FOXP2: variants seen among roughly 807,000 people sequenced by gnomAD.
The protein encoded by FOXP2 is forkhead box P2.
A neutral mutation model predicts 115.8 loss-of-function variants in FOXP2; 12 were observed. The ratio of observed to expected loss-of-function variants is 0.10; its 90% CI spans 0.07 to 0.17. FOXP2 has a LOEUF of 0.17. Ranked by LOEUF, FOXP2 falls within the 10% of genes least tolerant of loss-of-function variation. The pLI, the probability that FOXP2 is intolerant of heterozygous loss-of-function variation, is 1.00. For missense variants in FOXP2, 629 were observed against 843.5 expected, an observed-to-expected ratio of 0.75 and a Z score of 3.15; for synonymous variants, 328 against 297.7, an observed-to-expected ratio of 1.10 and a Z score of -1.05.
chr7:114,537,514 C>G (rs538802495), intron 3 of FOXP2, among the ~76,000 whole-genome samples: 2 of 151,662 alleles, frequency 1.3e-5, no homozygotes, highest in East Asian at 1.9e-4. Context: ...TAACATTCAC[C>G]TGAATTTCTT....
intron 1 of FOXP2, among the ~76,000 whole-genome samples, chr7:114,166,250 T>C: frequency 6.6e-6 from 1 of 152,110 alleles, no homozygotes; most frequent in East Asian, 1.9e-4. Flanking sequence ...AAAAAATTAA[T>C]AAGTTGGATT....
At chr7:114,630,065 G>C in intron 5 of FOXP2, 60 bp downstream of exon 5, 1 of 1,600,910 alleles carries the variant, frequency 6.2e-7, no homozygotes, top group Non-Finnish European at 8.5e-7. Context: ...GGCTTTGAGC[G>C]GCAAGAATAG....
At chr7:114,571,519 A>G (rs921680314) in intron 3 of FOXP2, among the ~76,000 whole-genome samples, 5 of 151,822 alleles carry the variant, frequency 3.3e-5, no homozygotes, top group Admixed American at 2.6e-4. Context: ...TAAGTCATGT[A>G]TTTTCACATA....
At chr7:114,221,420 AT>A (rs1358207010) in intron 1 of FOXP2, among the ~76,000 whole-genome samples, 1 of 152,138 alleles carries the variant, frequency 6.6e-6, no homozygotes, top group Non-Finnish European at 1.5e-5. Flanking sequence ...TAACTCCAAT[AT>A]TTTTTTAAGA....
intron 2 of FOXP2, among the ~76,000 whole-genome samples, chr7:114,295,276 T>C (rs1241312281): frequency 6.6e-6 from 1 of 152,184 alleles, no homozygotes; most frequent in Non-Finnish European, 1.5e-5. Context: ...GCATCACTTA[T>C]TACAAAGTTT....
In FOXP2 at chr7:114,089,826, C is replaced by G. The variant is rs114199605; in HGVS notation, c.-247+1988C>G. On this transcript the variant is annotated intron_variant, in intron 1 of 19. Transcript: ENST00000635638. Reference sequence around the variant, plus strand: ...CAAACAAAATTTCAAACACACAAAACAAGTCTCTTTGCATAGATATTAGAA... The same window carrying G: ...CAAACAAAATTTCAAACACACAAAAGAAGTCTCTTTGCATAGATATTAGAA... Among the ~76,000 whole-genome samples the G allele has an allele frequency of 4.3e-3, 654 of 151,958 alleles. 5 individuals carry two copies. The highest frequency in any genetic ancestry group is 0.015 in the African/African-American group (621 of 41,512).
At chr7:114,344,225 G>C (rs74542442) in intron 2 of FOXP2, among the ~76,000 whole-genome samples, 4 of 151,656 alleles carry the variant, frequency 2.6e-5, no homozygotes, top group Admixed American at 6.6e-5. Flanking sequence ...TTTTGGCTTC[G>C]GTTCTATGAT....
At chr7:114,274,336 T>G (rs1394121239) in intron 1 of FOXP2, among the ~76,000 whole-genome samples, 1 of 152,118 alleles carries the variant, frequency 6.6e-6, no homozygotes, top group African/African-American at 2.4e-5. Context: ...TGTTATATGT[T>G]AGATCAATTA....
intron 1 of FOXP2, among the ~76,000 whole-genome samples, chr7:114,237,220 AACTG>A (rs796338690): frequency 4.9e-4 from 74 of 152,328 alleles, no homozygotes; most frequent in African/African-American, 1.5e-3. Flanking sequence ...TGTTTCCAGA[AACTG>A]ACTATTATCT....
chr7:114,673,403 G>A (rs1418060149), intron 16 of FOXP2, among the ~76,000 whole-genome samples: 1 of 152,120 alleles, frequency 6.6e-6, no homozygotes. Flanking sequence ...AGCTGTTTTG[G>A]TCACAACTAT....
intron 1 of FOXP2, among the ~76,000 whole-genome samples, chr7:114,127,603 G>A (rs1299586219): frequency 6.6e-6 from 1 of 152,126 alleles, no homozygotes; most frequent in Non-Finnish European, 1.5e-5. Flanking sequence ...GACGAAGAAG[G>A]TATTAGATTG....
intron 1 of FOXP2, among the ~76,000 whole-genome samples, chr7:114,276,771 C>G (rs890124566): frequency 2.6e-5 from 4 of 152,148 alleles, no homozygotes; most frequent in Admixed American, 6.5e-5. Context: ...ACCTCTCTTA[C>G]AGATCTTGGA....
chr7:114,262,574 A>G (rs1185857883), intron 1 of FOXP2, among the ~76,000 whole-genome samples: 1 of 152,212 alleles, frequency 6.6e-6, no homozygotes, highest in Non-Finnish European at 1.5e-5. Context: ...TACATAGTTC[A>G]GTATGGTAGC....
chr7:114,384,048 G>A (rs1160518332), intron 2 of FOXP2, among the ~76,000 whole-genome samples: 1 of 151,642 alleles, frequency 6.6e-6, no homozygotes, highest in East Asian at 1.9e-4. Flanking sequence ...CATTTCCTTT[G>A]TGCTCAGAGG....
intron 2 of FOXP2, among the ~76,000 whole-genome samples, chr7:114,454,409 A>G (rs1795200095): frequency 6.6e-6 from 1 of 152,092 alleles, no homozygotes; most frequent in African/African-American, 2.4e-5. Flanking sequence ...GAACACTTTT[A>G]CACTGTTGAT....
chr7:114,176,787 C>T (rs1793327071), intron 1 of FOXP2, among the ~76,000 whole-genome samples: 7 of 151,856 alleles, frequency 4.6e-5, no homozygotes, highest in Admixed American at 4.6e-4. Flanking sequence ...TAACCGGTGC[C>T]TAGCTCCAGT....
rs756224087 is a variant in FOXP2, at chr7:114,690,922, C to T, written c.*996C>T. ...GCCCTAAACAAAGAAACAAATATGA[C>T]AAAAACCACAACTAAAAAATGTTAA... On this transcript the variant is annotated 3_prime_UTR_variant, in exon 17 of 17. Coordinates refer to ENST00000350908, the MANE Select transcript of FOXP2 (RefSeq NM_014491.4). 4.0e-5 allele frequency: 18 copies of T among 454,300 alleles called. No individual in the cohort carries two copies. The highest frequency in any genetic ancestry group is 7.1e-5 in the Non-Finnish European group (16 of 226,740). 28.1% of individuals were successfully genotyped at this position (454,300 alleles called of 1,614,324 possible).
At chr7:114,258,447 A>G (rs1303755679) in intron 1 of FOXP2, among the ~76,000 whole-genome samples, 1 of 152,180 alleles carries the variant, frequency 6.6e-6, no homozygotes, top group Non-Finnish European at 1.5e-5. Flanking sequence ...AAAGCATAGG[A>G]TTAGAGCTGT....
intron 3 of FOXP2, among the ~76,000 whole-genome samples, chr7:114,542,212 T>C (rs1038907497): frequency 1.3e-5 from 2 of 152,134 alleles, no homozygotes; most frequent in Admixed American, 6.6e-5. Context: ...TGTAATCTTG[T>C]CTATTTTACT....
Sources: allele counts gnomAD v4.1 joint callset (sites outside exome capture counted in the v4.1 genomes callset), GRCh38; gene constraint gnomAD v4.1.1; transcripts MANE v1.5; gene names NCBI Gene and HGNC (gene_info 2026-07-23, HGNC 2026-07-21).